GJA3: variants seen among roughly 807,000 people sequenced by gnomAD.
GJA3 encodes the protein gap junction protein alpha 3, also known as gap junction alpha-3 protein.
For missense variants in GJA3, 571 were observed against 620.3 expected (o/e 0.92, Z 0.84); for synonymous variants, 297 against 292.6 (o/e 1.02, Z -0.15).
At position 20,139,451 on chromosome 13, in the gene GJA3, T is replaced by C. The variant is rs569368215; in HGVS notation, c.*2530A>G. 1.3e-5 allele frequency: 2 copies of C among 152,258 alleles called. No homozygotes were observed. Among genetic ancestry groups the C allele is most frequent in the East Asian group, 1.9e-4 (1 of 5,190 alleles). 9.4% of individuals were successfully genotyped at this position (152,258 alleles called of 1,614,324 possible). On this transcript the variant is annotated 3_prime_UTR_variant, in exon 2 of 2. Transcript: ENST00000241125. ...ATTTTTATTGCATGTTTCAATGTCTTAAAGGACTAGTTGAGTAGAGAACAA... is the reference window on the plus strand; with the variant it reads ...ATTTTTATTGCATGTTTCAATGTCTCAAAGGACTAGTTGAGTAGAGAACAA...
At chr13:20,157,980 TG>T in intron 1 of GJA3, among the ~76,000 whole-genome samples, 1 of 151,914 alleles carries the variant, frequency 6.6e-6, no homozygotes, top group East Asian at 1.9e-4. Context: ...ACTATAGGTT[TG>T]TACCACCACA....
chr13:20,158,931 A>AAAAAAAAAAAAAAAAAAAAAAAAAAAG (rs1555340275), intron 1 of GJA3, among the ~76,000 whole-genome samples: 1 of 148,838 alleles, frequency 6.7e-6, no homozygotes, highest in Non-Finnish European at 1.5e-5. Context: ...AAAAAAAAAA[A>AAAAAAAAAAAAAAAAAAAAAAAAAAAG]AAAAAGAAAA....
intron 1 of GJA3, among the ~76,000 whole-genome samples, chr13:20,150,735 T>C (rs1319289891): frequency 6.6e-6 from 1 of 152,212 alleles, no homozygotes; most frequent in East Asian, 1.9e-4. Flanking sequence ...CCGCAGAGCC[T>C]GGCACAGCTG....
chr13:20,150,604 A>G (rs1383750512), intron 1 of GJA3, among the ~76,000 whole-genome samples: 1 of 152,190 alleles, frequency 6.6e-6, no homozygotes, highest in Non-Finnish European at 1.5e-5. Flanking sequence ...GTCTTCTGAG[A>G]AAGTTCATTT....
At chr13:20,143,348 G>T in intron 1 of GJA3, 43 bp from the exon 2 acceptor site, 1 of 1,396,054 alleles carries the variant, frequency 7.2e-7, no homozygotes, top group South Asian at 1.4e-5. Flanking sequence ...TGCAACGGCT[G>T]AGTGCCGGGT....
At position 20,142,398 on chromosome 13, in the gene GJA3, G is replaced by A; in HGVS notation, c.891C>T (p.Phe297=). Residue 297 remains phenylalanine (F), a synonymous_variant, in exon 2 of 2, where the codon TTC becomes TTT. Transcript: ENST00000241125. ...GCGCCTCGGTCAGGGCTAGCAGTTTGAAGTCCGCGGCTGGTGGCGGGGCCC... is the reference window on the plus strand; with the variant it reads ...GCGCCTCGGTCAGGGCTAGCAGTTTAAAGTCCGCGGCTGGTGGCGGGGCCC... The part of the protein sequence containing the change: ...YPGAPPPAAD[F]KLLALTEARG... 2 of 1,506,268 alleles carry A rather than the reference G, an allele frequency of 1.3e-6. No homozygotes were observed. Among genetic ancestry groups the A allele is most frequent in the Admixed American group, 2.4e-5 (1 of 42,362 alleles). The allele number at this position is 1,506,268 out of a possible 1,614,324, so 93.3% of individuals were successfully genotyped here.
intron 1 of GJA3, among the ~76,000 whole-genome samples, chr13:20,157,435 T>C (rs955982018): frequency 3.9e-5 from 6 of 152,216 alleles, no homozygotes; most frequent in African/African-American, 1.4e-4. Flanking sequence ...TATGGAATCT[T>C]AGCATTTTGG....
At chr13:20,145,727 G>A (rs2031287) in intron 1 of GJA3, among the ~76,000 whole-genome samples, 104,608 of 152,182 alleles carry the variant, frequency 0.69, 36,268 homozygotes, top group East Asian at 0.78. Context: ...CGCTCCGTCC[G>A]GCCACTGCCT....
At chr13:20,148,712 C>T (rs1016636398) in intron 1 of GJA3, among the ~76,000 whole-genome samples, 5 of 152,214 alleles carry the variant, frequency 3.3e-5, no homozygotes, top group South Asian at 2.1e-4. Context: ...TCAGGCAAGG[C>T]GCTGCTGAAC....
chr13:20,152,094 T>C (rs1413643653), intron 1 of GJA3, among the ~76,000 whole-genome samples: 1 of 152,058 alleles, frequency 6.6e-6, no homozygotes, highest in African/African-American at 2.4e-5. Flanking sequence ...ATGCTAAGTT[T>C]AAAATGCCTG....
In GJA3 at chr13:20,146,061, T is replaced by C. The variant is rs372390261; in HGVS notation, c.-17-2756A>G. 2.3e-3 allele frequency among the ~76,000 whole-genome samples: 354 copies of C among 152,342 alleles called. 19 individuals are homozygous for C. In the South Asian group the frequency reaches 0.072, roughly 31 times the overall value. On this transcript the variant is annotated intron_variant, in intron 1 of 1. Transcript: ENST00000241125. ...CTACCGGCAGAGTAGCTGGGTAATG[T>C]GCTTTCCAGAGGCTTCCGAGGAAAG...
Position 20,142,023 on chromosome 13 carries a change from CCTG to C in GJA3, c.1263_1265del (p.Ser421del). 1 of 1,550,428 alleles carries C rather than the reference CCTG, an allele frequency of 6.4e-7. No individual in the cohort carries two copies. The highest frequency in any genetic ancestry group is 8.7e-7 in the Non-Finnish European group (1 of 1,146,866). ...CCGGTCTGGCCCGCCCGCTGCTGGCCCTGCTGGCCTTGCTGGCCCGACCTGGGT... is the reference window on the plus strand; with the variant it reads ...CCGGTCTGGCCCGCCCGCTGCTGGCCCTGGCCTTGCTGGCCCGACCTGGGT... On this transcript the variant is annotated inframe_deletion, in exon 2 of 2. Coordinates refer to ENST00000241125, the MANE Select transcript of GJA3 (RefSeq NM_021954.4).
Position 20,143,208 on chromosome 13 carries a change from G to T in GJA3, c.81C>A (p.Thr27=). Residue 27 remains threonine, a synonymous_variant, in exon 2 of 2, where the codon ACC becomes ACA. Coordinates refer to ENST00000241125, the MANE Select transcript of GJA3 (RefSeq NM_021954.4). ...HSTVIGKVWL[T]VLFIFRILVL... ...CCAAGATGCGGAAGATGAACAGCACGGTCAGCCAAACCTTGCCGATGACCG... is the reference window on the plus strand; with the variant it reads ...CCAAGATGCGGAAGATGAACAGCACTGTCAGCCAAACCTTGCCGATGACCG... 1 of 1,581,490 alleles carries T rather than the reference G, an allele frequency of 6.3e-7. No homozygotes were observed.
In GJA3 at chr13:20,151,755, G is replaced by C. The variant is rs138750470; in HGVS notation, c.-17-8450C>G. 2.0e-3 allele frequency among the ~76,000 whole-genome samples: 306 copies of C among 152,266 alleles called. 1 individual carries two copies. The highest frequency in any genetic ancestry group is 0.01 in the Middle Eastern group (3 of 294). On this transcript the variant is annotated intron_variant, in intron 1 of 1. Transcript: ENST00000241125. ...GCAGACAGGCCACAGCAGATGGGAA[G>C]AGAACCCGGGCTCTCACTTCAGTGT...
At chr13:20,144,498 C>A (rs1958831237) in intron 1 of GJA3, among the ~76,000 whole-genome samples, 2 of 152,176 alleles carry the variant, frequency 1.3e-5, no homozygotes, top group Non-Finnish European at 2.9e-5. Context: ...GGCTCACCAG[C>A]CCTACCTGCC....
chr13:20,155,742 G>C (rs909947345), intron 1 of GJA3, among the ~76,000 whole-genome samples: 8 of 151,476 alleles, frequency 5.3e-5, no homozygotes, highest in Non-Finnish European at 7.4e-5. Flanking sequence ...TAAATCTATA[G>C]GAGTCCTATA....
chr13:20,149,640 A>G (rs1282549788), intron 1 of GJA3, among the ~76,000 whole-genome samples: 1 of 152,222 alleles, frequency 6.6e-6, no homozygotes, highest in African/African-American at 2.4e-5. Context: ...TAAAATGGGC[A>G]GTTGGGGAAA....
Position 20,141,776 on chromosome 13 carries a change from T to G in GJA3, c.*205A>C. ...ACCCCCAAACTCAGAAAGTGGGAGTTATCCCCACTGTAACTCACAGTGCTA... is the reference window on the plus strand; with the variant it reads ...ACCCCCAAACTCAGAAAGTGGGAGTGATCCCCACTGTAACTCACAGTGCTA... On this transcript the variant is annotated 3_prime_UTR_variant, in exon 2 of 2. Transcript: ENST00000241125. 1.4e-6 allele frequency: 1 copy of G among 713,456 alleles called. No individual in the cohort carries two copies. Among genetic ancestry groups the G allele is most frequent in the Non-Finnish European group, 2.2e-6 (1 of 459,966 alleles). The allele number at this position is 713,456 out of a possible 1,614,324, so 44.2% of individuals were successfully genotyped here.
intron 1 of GJA3, among the ~76,000 whole-genome samples, chr13:20,143,951 A>T (rs1288736038): frequency 6.6e-6 from 1 of 152,136 alleles, no homozygotes; most frequent in Non-Finnish European, 1.5e-5. Flanking sequence ...CCCCTTTTTT[A>T]AAAAAGAATA....
Sources: allele counts gnomAD v4.1 joint callset (sites outside exome capture counted in the v4.1 genomes callset), GRCh38; gene constraint gnomAD v4.1.1; transcripts MANE v1.5; gene names NCBI Gene and HGNC (gene_info 2026-07-23, HGNC 2026-07-21).